The following TIMP2 variants were observed in gnomAD, a reference collection of about 807,000 sequenced individuals.
The protein encoded by TIMP2 is TIMP metallopeptidase inhibitor 2, also known as metalloproteinase inhibitor 2.
Under a neutral mutation model 24.3 loss-of-function variants are expected in TIMP2, and 5 were observed. That is an observed-to-expected ratio of 0.21 (90% CI 0.11 to 0.43). The LOEUF (loss-of-function observed/expected upper bound fraction) is 0.43, where lower values mean the gene tolerates loss of function less well. TIMP2 is among the 20% of genes least tolerant of loss of function. The pLI is 1.00. For synonymous variants in TIMP2, 130 were observed against 123.2 expected (o/e 1.06, Z -0.37); for missense variants, 221 against 297.5 (o/e 0.74, Z 1.89).
rs2069890925 is a variant in TIMP2 at position 78,891,382 on chromosome 17, C to T, written c.131-17463G>A. 6.4e-7 allele frequency: 1 copy of T among 1,550,680 alleles called. No homozygotes were observed. Among genetic ancestry groups the T allele is most frequent in the Non-Finnish European group, 8.7e-7 (1 of 1,147,038 alleles). On this transcript the variant is annotated intron_variant, in intron 1 of 4. Transcript: ENST00000262768. This position sits in a 1 kb window ranked among gnomAD's most constrained non-coding sequence, Gnocchi z 4.5. ...GCATCTCTGAGAAGGCATGCCCTTC[C>T]CCAGGTCTCTGGTCCATCCTGGGCT... is the stretch of plus-strand genomic sequence containing the variant.
At chr17:78,918,518 C>CAGAT (rs2070283034) in intron 1 of TIMP2, among the ~76,000 whole-genome samples, 1 of 152,148 alleles carries the variant, frequency 6.6e-6, no homozygotes, top group South Asian at 2.1e-4. Flanking sequence ...TGCTCCTGAC[C>CAGAT]ATCTCTCCAT....
intron 1 of TIMP2, chr17:78,898,127 A>G (rs1211071697): frequency 6.6e-6 from 1 of 152,244 alleles, no homozygotes; most frequent in Non-Finnish European, 1.5e-5. Context: ...TTGAATCCAG[A>G]CATCACACTG....
chr17:78,870,626 T>C (rs1434232303), intron 3 of TIMP2, among the ~76,000 whole-genome samples: 1 of 152,100 alleles, frequency 6.6e-6, no homozygotes, highest in Non-Finnish European at 1.5e-5. Flanking sequence ...GTCTCCAGCA[T>C]CCCGCACTCG....
chr17:78,879,011 G>A (rs1287672833), intron 1 of TIMP2, among the ~76,000 whole-genome samples: 1 of 152,244 alleles, frequency 6.6e-6, no homozygotes, highest in Non-Finnish European at 1.5e-5. Context: ...CCAGCTGACA[G>A]CTCTGATCGG....
intron 1 of TIMP2, among the ~76,000 whole-genome samples, chr17:78,917,365 G>A (rs1211079221): frequency 3.3e-5 from 5 of 152,144 alleles, no homozygotes; most frequent in Admixed American, 2.0e-4. Context: ...GGGAGGCGGA[G>A]GTTGCAGTGA....
Position 78,920,968 on chromosome 17 carries a change from A to G in TIMP2, c.130+3991T>C, listed in dbSNP as rs1193556624. On this transcript the variant is annotated intron_variant, in intron 1 of 4. Coordinates refer to ENST00000262768, the MANE Select transcript of TIMP2 (RefSeq NM_003255.5). This position sits in a 1 kb window ranked among gnomAD's most constrained non-coding sequence, Gnocchi z 4.5. ...GCTTGTTGAAACACAGACAAGCCCA[A>G]TATGAAAATCAAGATGAACAAAACT... Among the ~76,000 whole-genome samples the G allele has an allele frequency of 6.6e-6, 1 of 152,184 alleles. No homozygotes were observed. The highest frequency in any genetic ancestry group is 6.5e-5 in the Admixed American group (1 of 15,272).
chr17:78,920,314 T>C lies in TIMP2; in HGVS notation c.130+4645A>G, dbSNP rs2145797954. 6.6e-6 allele frequency among the ~76,000 whole-genome samples: 1 copy of C among 152,256 alleles called. No homozygotes were observed. The highest frequency in any genetic ancestry group is 2.4e-5 in the African/African-American group (1 of 41,558). On this transcript the variant is annotated intron_variant, in intron 1 of 4. Coordinates refer to ENST00000262768, the MANE Select transcript of TIMP2 (RefSeq NM_003255.5). This position sits in a 1 kb window ranked among gnomAD's most constrained non-coding sequence, Gnocchi z 4.5. Reference sequence around the variant, plus strand: ...GGCAGTACCCAAGCCCACCTGCAGCTCACAAACGACAGGCCAGGACTGCGT... The same window carrying C: ...GGCAGTACCCAAGCCCACCTGCAGCCCACAAACGACAGGCCAGGACTGCGT...
chr17:78,867,599 T>C (rs1327457922), intron 3 of TIMP2, among the ~76,000 whole-genome samples: 2 of 148,604 alleles, frequency 1.3e-5, no homozygotes, highest in East Asian at 3.9e-4. Flanking sequence ...ACCTTCTTTT[T>C]TTTTTTTTTT....
chr17:78,911,428 G>T (rs9916100), intron 1 of TIMP2, among the ~76,000 whole-genome samples: 2,256 of 127,840 alleles, frequency 0.018, 60 homozygotes, highest in African/African-American at 0.06. Context: ...TGTTGTTTTT[G>T]TTTTTTGTTT....
intron 1 of TIMP2, among the ~76,000 whole-genome samples, chr17:78,884,544 G>A (rs1227590872): frequency 6.6e-6 from 1 of 152,092 alleles, no homozygotes; most frequent in African/African-American, 2.4e-5. Context: ...TGAAAGCAGG[G>A]GGGCTGAGGT....
intron 1 of TIMP2, among the ~76,000 whole-genome samples, chr17:78,913,740 A>C (rs2070229320): frequency 6.6e-6 from 1 of 151,414 alleles, no homozygotes. Context: ...AAAACAAAAA[A>C]CATAGGCCGG....
At chr17:78,903,824 G>A (rs2070130523) in intron 1 of TIMP2, among the ~76,000 whole-genome samples, 2 of 152,038 alleles carry the variant, frequency 1.3e-5, no homozygotes, top group African/African-American at 4.8e-5. Context: ...GGGGTTTCCA[G>A]GAAGCAGGAG....
intron 1 of TIMP2, among the ~76,000 whole-genome samples, chr17:78,919,667 T>C (rs1009812467): frequency 3.3e-5 from 5 of 152,104 alleles, no homozygotes; most frequent in African/African-American, 1.2e-4. Context: ...ACCCCGTCTC[T>C]AATAAAAATT....
At chr17:78,863,387 C>T (rs550475735) in intron 3 of TIMP2, among the ~76,000 whole-genome samples, 3 of 152,140 alleles carry the variant, frequency 2.0e-5, no homozygotes, top group South Asian at 2.1e-4. Flanking sequence ...GGACTGCAGG[C>T]GCCCGCCACC....
In TIMP2 at chr17:78,924,918, AGGTGGGGC is replaced by A. The variant is rs1387117778; in HGVS notation, c.130+33_130+40del. 6.7e-6 allele frequency: 7 copies of A among 1,048,820 alleles called. No individual in the cohort carries two copies. The East Asian group carries it at 3.1e-4, about 46-fold the overall frequency. 65.0% of individuals were successfully genotyped at this position (1,048,820 alleles called of 1,614,324 possible). On this transcript the variant is annotated intron_variant, in intron 1 of 4. Transcript: ENST00000262768. This position sits in a 1 kb window ranked among gnomAD's most constrained non-coding sequence, Gnocchi z 5.3. ...CTGCGAACCCTCGGGGTCGCGGGGG[AGGTGGGGC>A]CCCGCGCGGGGGCTGGGGTCGCCGC...
chr17:78,893,351 G>C (rs1035439732), intron 1 of TIMP2, among the ~76,000 whole-genome samples: 4 of 147,278 alleles, frequency 2.7e-5, no homozygotes, highest in African/African-American at 1.0e-4. Context: ...GTGTGCAGGG[G>C]TGTGTGTGCA....
chr17:78,892,082 C>G, intron 1 of TIMP2: 1 of 1,551,912 alleles, frequency 6.4e-7, no homozygotes, highest in South Asian at 1.2e-5. Context: ...CCGTCCTCCT[C>G]CCCAGCCCAA....
At chr17:78,897,140 T>G in intron 1 of TIMP2, 1 of 283,316 alleles carries the variant, frequency 3.5e-6, no homozygotes, top group African/African-American at 2.3e-5. Flanking sequence ...CGAAGGAGAC[T>G]CCAGGCCTGC....
intron 1 of TIMP2, among the ~76,000 whole-genome samples, chr17:78,877,735 G>T (rs1225408541): frequency 1.1e-4 from 17 of 148,680 alleles, no homozygotes; most frequent in Non-Finnish European, 2.1e-4. Flanking sequence ...ATGGAGTCTA[G>T]CTCTGTCATC....
Sources: gnomAD v4.1 joint callset for allele counts (sites outside exome capture counted in the v4.1 genomes callset) on GRCh38, gnomAD v4.1.1 for gene constraint, Gnocchi (gnomAD v3.1) non-coding constraint, MANE v1.5 for transcripts, NCBI Gene and HGNC (gene_info 2026-07-23, HGNC 2026-07-21) for gene names.